The following NOP14 variants were observed in gnomAD, a reference collection of about 807,000 sequenced individuals.
The protein encoded by NOP14 is NOP14 nucleolar protein.
In NOP14, 57 loss-of-function variants were observed where a neutral mutation model predicts 101.6. The observed-to-expected ratio is 0.56, with a 90% CI of 0.45 to 0.70. The LOEUF is 0.70. NOP14 is among the 30% of genes least tolerant of loss of function. The pLI, the probability that NOP14 is intolerant of heterozygous loss-of-function variation, is 0.00. For synonymous variants in NOP14, 428 were observed against 424.0 expected, an observed-to-expected ratio of 1.01 and a Z score of -0.12; for missense variants, 1,134 against 1,075.5, an observed-to-expected ratio of 1.05 and a Z score of -0.76.
At chr4:2,948,910 C>T (rs1047432277) in intron 8 of NOP14, among the ~76,000 whole-genome samples, 3 of 152,240 alleles carry the variant, frequency 2.0e-5, no homozygotes, top group Middle Eastern at 3.2e-3. Context: ...CTGTCAGGTG[C>T]GATCACGCAC....
In NOP14 at chr4:2,952,405, A is replaced by G. The variant is rs762479939; in HGVS notation, c.748-8T>C. On this transcript the variant is annotated splice_region_variant and splice_polypyrimidine_tract_variant and intron_variant, in intron 5 of 17. Transcript: ENST00000416614. ...CATGTCATATGCATCGGGCTAAGGT[A>G]GAAAGAAGAAATTCTTCATTTTAAA... 7 of 1,567,240 alleles carry G rather than the reference A, an allele frequency of 4.5e-6. No homozygotes were observed. The highest frequency in any genetic ancestry group is 5.2e-6 in the Non-Finnish European group (6 of 1,160,172).
chr4:2,947,263 C>A (rs1714719240), intron 10 of NOP14: 1 of 526,412 alleles, frequency 1.9e-6, no homozygotes, highest in Non-Finnish European at 3.4e-6. Flanking sequence ...AGCCACAAAT[C>A]TAAAGGGGTT....
chr4:2,941,510 C>T (rs921782762), intron 15 of NOP14, 72 bp downstream of exon 15: 3 of 1,429,114 alleles, frequency 2.1e-6, no homozygotes, highest in Admixed American at 4.6e-5. Flanking sequence ...TGACTGACTG[C>T]CACCAGCTTG....
At chr4:2,943,502 C>T (rs1714379729) in intron 13 of NOP14, among the ~76,000 whole-genome samples, 1 of 152,178 alleles carries the variant, frequency 6.6e-6, no homozygotes, top group Admixed American at 6.5e-5. Flanking sequence ...GGGGGAGGAG[C>T]ACAGGGGCTG....
At position 2,942,185 on chromosome 4, in the gene NOP14, C is replaced by A; in HGVS notation, c.2051+7G>T. 1 of 1,612,610 alleles carries A rather than the reference C, an allele frequency of 6.2e-7. No homozygotes were observed. Among genetic ancestry groups the A allele is most frequent in the Non-Finnish European group, 8.5e-7 (1 of 1,178,934 alleles). On this transcript the variant is annotated splice_region_variant and intron_variant, in intron 14 of 17. Coordinates refer to ENST00000416614, the MANE Select transcript of NOP14 (RefSeq NM_001291978.2). The stretch of plus-strand genomic sequence containing the variant: ...CACAGGCCCCAAAGCGGGGTCCCCT[C>A]ACATACCGGATGTGATTGGCCTCTG...
chr4:2,954,134 T>C (rs1715191897), intron 4 of NOP14, among the ~76,000 whole-genome samples: 1 of 152,066 alleles, frequency 6.6e-6, no homozygotes, highest in East Asian at 1.9e-4. Flanking sequence ...GCCCAGGAGT[T>C]TGAGGCCACA....
At chr4:2,962,986 C>T (rs1415671140) in intron 1 of NOP14, 139 bp downstream of exon 1, 9 of 831,934 alleles carry the variant, frequency 1.1e-5, no homozygotes, top group Non-Finnish European at 1.6e-5. Context: ...GGCTTTCGGA[C>T]TATCAAGTCA....
chr4:2,942,061 T>G (rs1163642291), intron 14 of NOP14, 131 bp downstream of exon 14: 10 of 856,008 alleles, frequency 1.2e-5, no homozygotes, highest in East Asian at 5.0e-5. Context: ...AGAAAGGCTT[T>G]CGGCCTCCAT....
At chr4:2,957,151 G>C (rs573934851) in intron 2 of NOP14, among the ~76,000 whole-genome samples, 1 of 152,112 alleles carries the variant, frequency 6.6e-6, no homozygotes, top group African/African-American at 2.4e-5. Context: ...ATAGGCATGC[G>C]CCACCACGCC....
chr4:2,939,218 G>C lies in NOP14; in HGVS notation c.2444C>G (p.Ala815Gly), dbSNP rs771860782. The C allele has an allele frequency of 6.2e-7, 1 of 1,613,822 alleles. No individual in the cohort carries two copies. Among genetic ancestry groups the C allele is most frequent in the African/African-American group, 1.3e-5 (1 of 74,894 alleles). ...CATGATTTCTGAGAGTTGCATCCTC[G>C]CCAGGAACTGATTGTCCTTGCGGAT... is the stretch of plus-strand genomic sequence containing the variant. Reference protein sequence around the residue: ...REIRKDNQFLARMQLSEIMER... With the variant: ...REIRKDNQFLGRMQLSEIMER... Residue 815 changes from alanine to glycine, a missense_variant, in exon 17 of 18, where the codon GCG (alanine) becomes GGG (glycine). Physicochemically the swap from Ala to Gly is moderately conservative, Grantham distance 60. Coordinates refer to ENST00000416614, the MANE Select transcript of NOP14 (RefSeq NM_001291978.2).
At chr4:2,951,582 G>A (rs1419234767) in intron 6 of NOP14, among the ~76,000 whole-genome samples, 1 of 152,142 alleles carries the variant, frequency 6.6e-6, no homozygotes, top group Non-Finnish European at 1.5e-5. Context: ...TAGGAGCCAG[G>A]ACGCCAAGAG....
Position 2,938,860 on chromosome 4 carries a change from C to T in NOP14, c.2545G>A (p.Ala849Thr). 6.2e-7 allele frequency: 1 copy of T among 1,614,026 alleles called. No individual in the cohort carries two copies. ...SLATQEGEWK[A>T]LKRKKFKK ...TTTTTGAACTTTTTCCTCTTCAGAG[C>T]CTTCCATTCGCCTTCCTGTGTAGCC... Residue 849 changes from alanine (A) to threonine (T), a missense_variant, in exon 18 of 18, where the codon GCT becomes ACT. Transcript: ENST00000416614.
Position 2,938,148 on chromosome 4 carries a change from G to A in NOP14, c.*683C>T, listed in dbSNP as rs115626814. 1.1e-3 allele frequency: 1,368 copies of A among 1,260,968 alleles called. 16 individuals carry two copies. In the African/African-American group the frequency reaches 0.02, roughly 18 times the overall value. The allele number at this position is 1,260,968 out of a possible 1,614,324, so 78.1% of individuals were successfully genotyped here. A position where few individuals can be genotyped will look rare whatever the true frequency, so the allele number is the denominator to read the frequency against. On this transcript the variant is annotated 3_prime_UTR_variant, in exon 18 of 18. Transcript: ENST00000416614. ...GATTCATTCTATTTCATCAGGTGAC[G>A]TTTTAACAGAAACAAAACCGCAGGC... is the stretch of plus-strand genomic sequence containing the variant.
In NOP14 at chr4:2,953,491, T is replaced by C. The variant is rs772909544; in HGVS notation, c.747+20A>G. The C allele has an allele frequency of 2.2e-5, 36 of 1,613,502 alleles. No individual in the cohort carries two copies. In the South Asian group the frequency reaches 3.8e-4, roughly 17 times the overall value. On this transcript the variant is annotated intron_variant, in intron 5 of 17. Transcript: ENST00000416614. ...CCAAGCTCAGTGAGTGAAGAGTTTG[T>C]TTCAGTACTTGGCTCCCACCTTGGG...
At position 2,963,322 on chromosome 4, in the gene NOP14, C is replaced by A. The variant is rs567176960; in HGVS notation, c.-3G>T. 3.2e-6 allele frequency: 5 copies of A among 1,568,752 alleles called. No individual in the cohort carries two copies. Among genetic ancestry groups the A allele is most frequent in the African/African-American group, 2.8e-5 (2 of 71,138 alleles). ...CCGACCTTCTTCGCCTTCGCCATGGCGCGCGCCCCGCTGCGCCCAAGGGCC... is the reference window on the plus strand; with the variant it reads ...CCGACCTTCTTCGCCTTCGCCATGGAGCGCGCCCCGCTGCGCCCAAGGGCC... On this transcript the variant is annotated 5_prime_UTR_variant, in exon 1 of 18. Coordinates refer to ENST00000416614, the MANE Select transcript of NOP14 (RefSeq NM_001291978.2).
intron 11 of NOP14, 43 bp from the exon 12 acceptor site, chr4:2,945,272 G>T: frequency 6.9e-7 from 1 of 1,448,244 alleles, no homozygotes; most frequent in Non-Finnish European, 9.5e-7. Flanking sequence ...GGTAAATGAA[G>T]TCCATCCATA....
chr4:2,941,277 G>A (rs1453425899), intron 15 of NOP14: 2 of 383,696 alleles, frequency 5.2e-6, no homozygotes, highest in African/African-American at 2.1e-5. Flanking sequence ...AGAGCTGACT[G>A]TCCAGGCCTG....
chr4:2,953,477 G>T, intron 5 of NOP14, 34 bp downstream of exon 5: 1 of 1,611,434 alleles, frequency 6.2e-7, no homozygotes, highest in South Asian at 1.1e-5. Context: ...CAAGCTCAGT[G>T]AGTGAAGAGT....
chr4:2,951,083 GAGAA>G (rs1714997410), intron 7 of NOP14, 27 bp downstream of exon 7: 1 of 1,558,118 alleles, frequency 6.4e-7, no homozygotes, highest in Non-Finnish European at 8.7e-7. Context: ...AAAAAAGAGA[GAGAA>G]AGAGAAAATG....
Sources: gnomAD v4.1 joint callset for allele counts (sites outside exome capture counted in the v4.1 genomes callset) on GRCh38, gnomAD v4.1.1 for gene constraint, MANE v1.5 for transcripts, NCBI Gene and HGNC (gene_info 2026-07-23, HGNC 2026-07-21) for gene names.